PPFIBP1: variants seen among roughly 807,000 people sequenced by gnomAD.
PPFIBP1 encodes liprin-beta-1.
A neutral mutation model predicts 137.8 loss-of-function variants in PPFIBP1; 112 were observed. That is an observed-to-expected ratio of 0.81 (90% CI 0.70 to 0.95). PPFIBP1 has a LOEUF of 0.95. Among genes scored for constraint, PPFIBP1 ranks in the 40% least tolerant of loss-of-function variants. The pLI, the probability that PPFIBP1 is intolerant of heterozygous loss-of-function variation, is 0.00. For synonymous variants in PPFIBP1, 378 were observed against 417.3 expected (o/e 0.91, Z 1.15); for missense variants, 1,083 against 1,196.6 (o/e 0.91, Z 1.40).
At chr12:27,649,179 C>A (rs543523595) in intron 6 of PPFIBP1, among the ~76,000 whole-genome samples, 65 of 152,270 alleles carry the variant, frequency 4.3e-4, no homozygotes, top group Non-Finnish European at 8.1e-4. Flanking sequence ...TCTGTAAGGT[C>A]ATGGATGGAG....
In PPFIBP1 at chr12:27,613,275, ATGGTTC is replaced by A. The variant is rs1462940181; in HGVS notation, c.-35-20083_-35-20078del. Among the ~76,000 whole-genome samples the A allele has an allele frequency of 2.0e-5, 3 of 152,236 alleles. No individual in the cohort carries two copies. The East Asian group carries it at 5.8e-4, about 29-fold the overall frequency. ...CTTCCATCTTCCATCTGGTGACCTGATGGTTCTGGCATTTGACCTCTCTGAAGGTAA... is the reference window on the plus strand; with the variant it reads ...CTTCCATCTTCCATCTGGTGACCTGATGGCATTTGACCTCTCTGAAGGTAA... On this transcript the variant is annotated intron_variant, in intron 2 of 29. Coordinates refer to ENST00000228425, the MANE Select transcript of PPFIBP1 (RefSeq NM_003622.4).
At chr12:27,666,331 T>C (rs546702131) in intron 12 of PPFIBP1, among the ~76,000 whole-genome samples, 109 of 148,456 alleles carry the variant, frequency 7.3e-4, no homozygotes, top group African/African-American at 2.7e-3. Context: ...AGGAGTTATA[T>C]TTAGTTAATC....
chr12:27,692,481 C>T (rs951770846), intron 28 of PPFIBP1, 110 bp from the exon 29 acceptor site: 2 of 967,000 alleles, frequency 2.1e-6, no homozygotes, highest in African/African-American at 1.6e-5. Flanking sequence ...GTTGCTCTTA[C>T]CCCATTCAGT....
At chr12:27,608,067 A>G (rs1366356108) in intron 2 of PPFIBP1, among the ~76,000 whole-genome samples, 2 of 152,204 alleles carry the variant, frequency 1.3e-5, no homozygotes, top group African/African-American at 2.4e-5. Context: ...AGTTATTCCA[A>G]TGACTCTCCA....
chr12:27,572,683 G>C (rs183664338), intron 1 of PPFIBP1, among the ~76,000 whole-genome samples: 2 of 152,250 alleles, frequency 1.3e-5, no homozygotes, highest in Non-Finnish European at 2.9e-5. Context: ...TGAGGACTTT[G>C]GGACATGGGA....
At chr12:27,569,877 C>T (rs551616510) in intron 1 of PPFIBP1, among the ~76,000 whole-genome samples, 151 of 152,182 alleles carry the variant, frequency 9.9e-4, no homozygotes, top group African/African-American at 3.5e-3. Flanking sequence ...ATACAGTTTC[C>T]AAGTTTAGAT....
chr12:27,635,421 C>G, intron 4 of PPFIBP1: 1 of 524,196 alleles, frequency 1.9e-6, no homozygotes, highest in Non-Finnish European at 3.4e-6. Context: ...GGGAAAGAAT[C>G]TTGCACATGA....
chr12:27,595,324 T>C (rs2053080381), intron 2 of PPFIBP1, among the ~76,000 whole-genome samples: 1 of 152,180 alleles, frequency 6.6e-6, no homozygotes, highest in African/African-American at 2.4e-5. Context: ...CACCCTGCTC[T>C]GGTGGCTGCC....
At chr12:27,566,137 G>C (rs1178232161) in intron 1 of PPFIBP1, among the ~76,000 whole-genome samples, 1 of 151,924 alleles carries the variant, frequency 6.6e-6, no homozygotes, top group Non-Finnish European at 1.5e-5. Flanking sequence ...CCAGTGGTAG[G>C]TATCGAATAC....
intron 4 of PPFIBP1, among the ~76,000 whole-genome samples, chr12:27,641,883 C>G (rs1199689288): frequency 6.6e-6 from 1 of 152,018 alleles, no homozygotes; most frequent in Non-Finnish European, 1.5e-5. Flanking sequence ...GTGGCAACCC[C>G]CTTTGGGTCC....
chr12:27,542,811 C>T (rs1189764603), intron 1 of PPFIBP1, among the ~76,000 whole-genome samples: 3 of 152,116 alleles, frequency 2.0e-5, no homozygotes, highest in African/African-American at 4.8e-5. Context: ...TAGGATTGTG[C>T]TCGTAGGCAA....
At chr12:27,612,562 G>T (rs1191205577) in intron 2 of PPFIBP1, among the ~76,000 whole-genome samples, 1 of 151,860 alleles carries the variant, frequency 6.6e-6, no homozygotes, top group African/African-American at 2.4e-5. Flanking sequence ...TTGCCTGGCT[G>T]GTCTTGAAAC....
rs987192165 is a variant in PPFIBP1 at position 27,682,711 on chromosome 12, A to G, written c.2247+8A>G. 3.1e-6 allele frequency: 5 copies of G among 1,613,708 alleles called. No individual in the cohort carries two copies. In the African/African-American group the frequency reaches 6.7e-5, roughly 22 times the overall value. The stretch of plus-strand genomic sequence containing the variant: ...CTACATTACATGACTGTTGTAAGTG[A>G]CTCACTCCTGGGGTTTGGGGGAGGA... On this transcript the variant is annotated splice_region_variant and intron_variant, in intron 24 of 29. Transcript: ENST00000228425.
chr12:27,529,724 TA>T (rs756189042), intron 1 of PPFIBP1, among the ~76,000 whole-genome samples: 7 of 152,196 alleles, frequency 4.6e-5, no homozygotes, highest in Admixed American at 1.3e-4. Context: ...TGCCAAATTT[TA>T]ATTTTTCCTT....
chr12:27,530,312 A>C (rs60218193), intron 1 of PPFIBP1, among the ~76,000 whole-genome samples: 25,643 of 152,130 alleles, frequency 0.17, 2,407 homozygotes, highest in Middle Eastern at 0.26. Flanking sequence ...GTGGAAGGGA[A>C]ACAGTGACGA....
intron 2 of PPFIBP1, among the ~76,000 whole-genome samples, chr12:27,607,631 T>C (rs1210716003): frequency 1.3e-5 from 2 of 152,194 alleles, no homozygotes; most frequent in Non-Finnish European, 2.9e-5. Context: ...CAAGTTATGC[T>C]GGTCTGGGGG....
intron 1 of PPFIBP1, among the ~76,000 whole-genome samples, chr12:27,576,828 A>G (rs898210425): frequency 2.6e-5 from 4 of 152,204 alleles, no homozygotes; most frequent in African/African-American, 9.6e-5. Context: ...AACAGATGAA[A>G]GTGAAATCGC....
intron 1 of PPFIBP1, among the ~76,000 whole-genome samples, chr12:27,570,356 C>A (rs1476201801): frequency 1.3e-5 from 2 of 152,148 alleles, no homozygotes; most frequent in African/African-American, 2.4e-5. Context: ...TGAGGCTTAG[C>A]TAGGCTAAGT....
At chr12:27,628,611 A>C (rs1328127543) in intron 2 of PPFIBP1, among the ~76,000 whole-genome samples, 2 of 152,224 alleles carry the variant, frequency 1.3e-5, no homozygotes, top group Non-Finnish European at 2.9e-5. Flanking sequence ...ATTTTGGACC[A>C]TAGGTTCATA....
Sources: gnomAD v4.1 joint callset for allele counts (sites outside exome capture counted in the v4.1 genomes callset) on GRCh38, gnomAD v4.1.1 for gene constraint, MANE v1.5 for transcripts, NCBI Gene and HGNC (gene_info 2026-07-23, HGNC 2026-07-21) for gene names.